Variants in CR1L observed in about 807,000 individuals in gnomAD.
The protein encoded by CR1L is complement component receptor 1-like protein.
A neutral mutation model predicts 62.3 loss-of-function variants in CR1L; 59 were observed. That is an observed-to-expected ratio of 0.95 (90% CI 0.77 to 1.18). The LOEUF (loss-of-function observed/expected upper bound fraction) is 1.18. CR1L is among the 50% of genes most tolerant of loss of function. The pLI is 0.00. For missense variants in CR1L, 700 were observed against 702.8 expected, an observed-to-expected ratio of 1.00 and a Z score of 0.04; for synonymous variants, 279 against 248.7, an observed-to-expected ratio of 1.12 and a Z score of -1.15.
chr1:207,668,469 A>T (rs1663557757), intron 1 of CR1L, among the ~76,000 whole-genome samples: 1 of 151,100 alleles, frequency 6.6e-6, no homozygotes, highest in African/African-American at 2.5e-5. Flanking sequence ...AAAAAAGCTC[A>T]TCTCATAGAA....
At chr1:207,688,228 A>G (rs1281638429) in intron 4 of CR1L, among the ~76,000 whole-genome samples, 2 of 152,172 alleles carry the variant, frequency 1.3e-5, no homozygotes. Context: ...GTGGGTTATG[A>G]TGGTACCACT....
intron 1 of CR1L, among the ~76,000 whole-genome samples, 190 bp from the exon 2 acceptor site, chr1:207,677,199 G>A (rs1196860672): frequency 1.4e-5 from 2 of 147,552 alleles, no homozygotes; most frequent in African/African-American, 5.0e-5. Context: ...GCAGGCGCCT[G>A]TAATCCCATC....
At chr1:207,678,330 G>A in intron 3 of CR1L, 33 bp downstream of exon 3, 4 of 1,567,060 alleles carry the variant, frequency 2.6e-6, no homozygotes, top group Non-Finnish European at 3.5e-6. Context: ...AACATCTCTT[G>A]GTTCAAGGGT....
chr1:207,680,280 C>T (rs1435051915), intron 3 of CR1L, among the ~76,000 whole-genome samples: 1 of 152,152 alleles, frequency 6.6e-6, no homozygotes, highest in Non-Finnish European at 1.5e-5. Flanking sequence ...TGCTAAAACA[C>T]AAAGTCTATT....
chr1:207,671,256 A>G (rs1260189648), intron 1 of CR1L, among the ~76,000 whole-genome samples: 1 of 150,978 alleles, frequency 6.6e-6, no homozygotes, highest in Non-Finnish European at 1.5e-5. Context: ...CATGTCTGAA[A>G]AACCATGACT....
At chr1:207,710,398 A>AC in intron 10 of CR1L, 1 of 1,512,826 alleles carries the variant, frequency 6.6e-7, no homozygotes, top group Non-Finnish European at 9.2e-7. Context: ...CTTGTGGGCT[A>AC]CCCCCCAACA....
chr1:207,668,249 CA>C (rs1417005781), intron 1 of CR1L, among the ~76,000 whole-genome samples: 1 of 150,996 alleles, frequency 6.6e-6, no homozygotes, highest in Non-Finnish European at 1.5e-5. Flanking sequence ...TCACAATAGC[CA>C]AGGTATGGAA....
chr1:207,691,841 G>C (rs1348757594), intron 4 of CR1L, among the ~76,000 whole-genome samples: 1 of 152,154 alleles, frequency 6.6e-6, no homozygotes, highest in African/African-American at 2.4e-5. Flanking sequence ...AAAAGCTTCA[G>C]CTGAATTAAA....
intron 1 of CR1L, chr1:207,658,331 G>A (rs1453332691): frequency 6.8e-6 from 1 of 147,318 alleles, no homozygotes; most frequent in African/African-American, 2.5e-5. Context: ...GAAGATCAAT[G>A]AAACCAACAG....
At chr1:207,700,159 A>G (rs1664169703) in intron 8 of CR1L, among the ~76,000 whole-genome samples, 2 of 152,212 alleles carry the variant, frequency 1.3e-5, no homozygotes, top group African/African-American at 2.4e-5. Context: ...ATTGGAAAAC[A>G]TGTTTCTTTA....
At chr1:207,675,743 A>G (rs529431921) in intron 1 of CR1L, among the ~76,000 whole-genome samples, 1 of 152,366 alleles carries the variant, frequency 6.6e-6, no homozygotes, top group South Asian at 2.1e-4. Context: ...GTAAGATGCT[A>G]TTCTTTTTCA....
At chr1:207,714,030 T>C (rs1289200143) in intron 10 of CR1L, among the ~76,000 whole-genome samples, 1 of 152,182 alleles carries the variant, frequency 6.6e-6, no homozygotes, top group African/African-American at 2.4e-5. Flanking sequence ...TCTTCATACC[T>C]GCGTTTGGTG....
At chr1:207,685,290 T>A (rs1663883635) in intron 4 of CR1L, among the ~76,000 whole-genome samples, 1 of 152,192 alleles carries the variant, frequency 6.6e-6, no homozygotes. Context: ...GCATGGTGCT[T>A]CCTCAAGAGA....
chr1:207,681,025 C>G (rs1341387899), intron 3 of CR1L, among the ~76,000 whole-genome samples: 1 of 152,210 alleles, frequency 6.6e-6, no homozygotes, highest in Non-Finnish European at 1.5e-5. Flanking sequence ...CTCAAATAAA[C>G]TCTATCCTTA....
At chr1:207,686,416 AT>A (rs1234675471) in intron 4 of CR1L, among the ~76,000 whole-genome samples, 1 of 151,918 alleles carries the variant, frequency 6.6e-6, no homozygotes, top group African/African-American at 2.4e-5. Context: ...ATTATTAAAA[AT>A]TTTTTGTCTT....
At chr1:207,695,791 T>A (rs561047915) in intron 5 of CR1L, among the ~76,000 whole-genome samples, 1 of 152,288 alleles carries the variant, frequency 6.6e-6, no homozygotes, top group African/African-American at 2.4e-5. Context: ...TATTTTCATA[T>A]GGCTGGCAGG....
Position 207,717,683 on chromosome 1 carries a change from T to C in CR1L, c.1634T>C (p.Val545Ala). ...SSPAPRCELP[V>A]GAGSHDALIV... ...CCTGCCCCTCGCTGTGAACTTCCTG[T>C]TGGTGCTGGTCAGTATCCGCTTCCA... The change falls in exon 11 of 12, where the codon GTT becomes GCT. Residue 545 changes from valine (V) to alanine (A), a missense_variant. Transcript: ENST00000508064. The C allele has an allele frequency of 1.2e-6, 2 of 1,614,012 alleles. No individual in the cohort carries two copies. The highest frequency in any genetic ancestry group is 1.7e-6 in the Non-Finnish European group (2 of 1,179,888).
At chr1:207,657,435 T>C (rs2102443328) in intron 1 of CR1L, 1 of 573,002 alleles carries the variant, frequency 1.7e-6, no homozygotes, top group Non-Finnish European at 3.1e-6. Flanking sequence ...TGTAATTGGA[T>C]CTAATTTATT....
chr1:207,687,899 C>A (rs551821784), intron 4 of CR1L, among the ~76,000 whole-genome samples: 5 of 152,092 alleles, frequency 3.3e-5, no homozygotes, highest in East Asian at 3.9e-4. Flanking sequence ...TTAATGATGT[C>A]TTCTGTTGTA....
Sources: allele counts gnomAD v4.1 joint callset (sites outside exome capture counted in the v4.1 genomes callset), GRCh38; gene constraint gnomAD v4.1.1; transcripts MANE v1.5; gene names NCBI Gene and HGNC (gene_info 2026-07-23, HGNC 2026-07-21).